Variants in VSTM2L observed in about 807,000 individuals in gnomAD.
The protein encoded by VSTM2L is V-set and transmembrane domain-containing protein 2-like protein.
VSTM2L carries 9 observed loss-of-function variants against 19.9 expected under a neutral mutation model. The observed-to-expected ratio is 0.45, with a 90% CI of 0.27 to 0.79. The LOEUF is 0.79. Among genes scored for constraint, VSTM2L ranks in the 30% least tolerant of loss-of-function variants. The pLI, the probability that VSTM2L is intolerant of heterozygous loss-of-function variation, is 0.15. For missense variants in VSTM2L, 286 were observed against 295.5 expected, an observed-to-expected ratio of 0.97 and a Z score of 0.24; for synonymous variants, 127 against 133.8, an observed-to-expected ratio of 0.95 and a Z score of 0.35.
chr20:37,906,463 G>A (rs2072752603), intron 1 of VSTM2L, among the ~76,000 whole-genome samples: 2 of 152,238 alleles, frequency 1.3e-5, no homozygotes. Flanking sequence ...GCACAGCAGG[G>A]ATGGGAGGAA....
intron 1 of VSTM2L, among the ~76,000 whole-genome samples, chr20:37,931,408 C>T (rs2072907982): frequency 6.6e-6 from 1 of 152,296 alleles, no homozygotes; most frequent in Middle Eastern, 3.4e-3. Context: ...ACTCCCTCAT[C>T]GCCATCTCAT....
chr20:37,916,238 A>G (rs1046931257), intron 1 of VSTM2L, among the ~76,000 whole-genome samples: 11 of 152,230 alleles, frequency 7.2e-5, no homozygotes, highest in Non-Finnish European at 1.0e-4. Context: ...GGGGAGAATG[A>G]AAATAAATGG....
chr20:37,924,549 T>A (rs1410687896), intron 1 of VSTM2L, among the ~76,000 whole-genome samples: 3 of 133,826 alleles, frequency 2.2e-5, no homozygotes, highest in African/African-American at 5.7e-5. Context: ...AGTGAGACTC[T>A]GTCTCAAAAA....
At chr20:37,935,231 C>G (rs1173366129) in intron 3 of VSTM2L, among the ~76,000 whole-genome samples, 4 of 152,300 alleles carry the variant, frequency 2.6e-5, no homozygotes, top group Admixed American at 1.3e-4. Flanking sequence ...CCCAGCCCCC[C>G]ACCCCCAGCC....
intron 1 of VSTM2L, among the ~76,000 whole-genome samples, chr20:37,911,317 AG>A (rs2072778474): frequency 1.3e-5 from 2 of 148,620 alleles, no homozygotes; most frequent in South Asian, 4.3e-4. Flanking sequence ...TGGGGCAGGG[AG>A]GGTACCCAGT....
rs959735579 is a variant in VSTM2L, at chr20:37,934,411, G to A, written c.342+822G>A. Among the ~76,000 whole-genome samples the A allele has an allele frequency of 4.6e-5, 7 of 152,326 alleles. No individual in the cohort carries two copies. The South Asian group carries it at 8.3e-4, about 18-fold the overall frequency. On this transcript the variant is annotated intron_variant, in intron 3 of 3. Transcript: ENST00000373461. The stretch of plus-strand genomic sequence containing the variant: ...ACGAGGCAAGGTTTGTGCATGGGGC[G>A]TGAGGTCAGCTTGGCAGGGGCGTGA...
At chr20:37,913,683 G>C (rs1213474648) in intron 1 of VSTM2L, among the ~76,000 whole-genome samples, 1 of 152,218 alleles carries the variant, frequency 6.6e-6, no homozygotes, top group Non-Finnish European at 1.5e-5. Context: ...TTCTGGGCCT[G>C]TATCCAGGGA....
At chr20:37,919,318 A>G (rs1468633745) in intron 1 of VSTM2L, among the ~76,000 whole-genome samples, 1 of 152,052 alleles carries the variant, frequency 6.6e-6, no homozygotes, top group African/African-American at 2.4e-5. Flanking sequence ...ACCTTCATGA[A>G]CTCACACCTC....
chr20:37,940,048 C>T (rs2072963047), intron 3 of VSTM2L, among the ~76,000 whole-genome samples: 1 of 152,140 alleles, frequency 6.6e-6, no homozygotes, highest in South Asian at 2.1e-4. Context: ...CTGGGCCTCG[C>T]TTGGTGCTCC....
chr20:37,918,609 G>A (rs62201728), intron 1 of VSTM2L, among the ~76,000 whole-genome samples: 1 of 152,146 alleles, frequency 6.6e-6, no homozygotes, highest in African/African-American at 2.4e-5. Flanking sequence ...ATTTATTTAA[G>A]TAAAAGGGGA....
At position 37,944,536 on chromosome 20, in the gene VSTM2L, G is replaced by C; in HGVS notation, c.*283G>C. On this transcript the variant is annotated 3_prime_UTR_variant, in exon 4 of 4. Coordinates refer to ENST00000373461, the MANE Select transcript of VSTM2L (RefSeq NM_080607.3). ...TGGGGCAGGGACCATGCTGGGGCCC[G>C]GGGCCACCCCCTTCCTGTCACCAGC... 8.4e-7 allele frequency: 1 copy of C among 1,190,848 alleles called. No individual in the cohort carries two copies. The highest frequency in any genetic ancestry group is 1.0e-6 in the Non-Finnish European group (1 of 962,696). The allele number at this position is 1,190,848 out of a possible 1,614,324, so 73.8% of individuals were successfully genotyped here.
intron 3 of VSTM2L, among the ~76,000 whole-genome samples, chr20:37,938,669 G>T (rs548050124): frequency 6.6e-6 from 1 of 152,244 alleles, no homozygotes; most frequent in South Asian, 2.1e-4. Flanking sequence ...CTCTTTCAGC[G>T]TAACTAGGTG....
chr20:37,904,245 G>A (rs1490179370), intron 1 of VSTM2L, among the ~76,000 whole-genome samples: 1 of 152,248 alleles, frequency 6.6e-6, no homozygotes, highest in Non-Finnish European at 1.5e-5. Context: ...AGGCATGGGA[G>A]TGGGAGTGGA....
chr20:37,903,543 C>T, intron 1 of VSTM2L, 72 bp downstream of exon 1: 1 of 1,335,726 alleles, frequency 7.5e-7, no homozygotes, highest in Non-Finnish European at 9.6e-7. Flanking sequence ...CCAACTTGGC[C>T]GCCCCGGGGC....
chr20:37,905,105 CT>C (rs2072744224), intron 1 of VSTM2L, among the ~76,000 whole-genome samples: 1 of 152,092 alleles, frequency 6.6e-6, no homozygotes, highest in African/African-American at 2.4e-5. Context: ...AAAGACAGCG[CT>C]TTTTTCCAGG....
At chr20:37,926,651 A>G (rs564706118) in intron 1 of VSTM2L, among the ~76,000 whole-genome samples, 1 of 152,362 alleles carries the variant, frequency 6.6e-6, no homozygotes, top group Non-Finnish European at 1.5e-5. Context: ...CTATAGCTCT[A>G]CCAGCACAAG....
chr20:37,911,753 A>G lies in VSTM2L; in HGVS notation c.121+8282A>G, dbSNP rs117752226. On this transcript the variant is annotated intron_variant, in intron 1 of 3. Transcript: ENST00000373461. The stretch of plus-strand genomic sequence containing the variant: ...TGCCTGCCTTGCTGGGTGACTTGGC[A>G]TGTCCCTGCCCCTCTCTGGGCCTCA... 5.8e-4 allele frequency among the ~76,000 whole-genome samples: 89 copies of G among 152,278 alleles called. 1 individual carries two copies. In the East Asian group the frequency reaches 0.016, roughly 27 times the overall value.
At chr20:37,934,093 C>T (rs2072926210) in intron 3 of VSTM2L, among the ~76,000 whole-genome samples, 1 of 152,262 alleles carries the variant, frequency 6.6e-6, no homozygotes, top group Non-Finnish European at 1.5e-5. Context: ...CAAGCATTCA[C>T]CCATTTTGCA....
At position 37,903,448 on chromosome 20, in the gene VSTM2L, G is replaced by T. The variant is rs1397841660; in HGVS notation, c.98G>T (p.Trp33Leu). Reference protein sequence around the residue: ...GATRPAGHAPWDNHVSGHALF... With the variant: ...GATRPAGHAPLDNHVSGHALF... ...ACGCGGCCCGCCGGCCACGCGCCCT[G>T]GGACAACCACGTCTCCGGCCACGGT... The change falls in exon 1 of 4, where the codon TGG becomes TTG. Residue 33 changes from tryptophan (W) to leucine (L), a missense_variant. By Grantham distance (61) the Trp-to-Leu change is moderately conservative (BLOSUM62 -2). Transcript: ENST00000373461. The T allele has an allele frequency of 1.3e-6, 2 of 1,484,628 alleles. No individual in the cohort carries two copies. The highest frequency in any genetic ancestry group is 5.9e-5 in the East Asian group (2 of 33,916). The allele number at this position is 1,484,628 out of a possible 1,614,324, so 92.0% of individuals were successfully genotyped here. A position where few individuals can be genotyped will look rare whatever the true frequency, so the allele number is the denominator to read the frequency against.
Sources: allele counts gnomAD v4.1 joint callset (sites outside exome capture counted in the v4.1 genomes callset), GRCh38; gene constraint gnomAD v4.1.1; transcripts MANE v1.5; gene names NCBI Gene and HGNC (gene_info 2026-07-23, HGNC 2026-07-21).